The following EYS variants were observed in gnomAD, a reference collection of about 807,000 sequenced individuals.
The protein encoded by EYS is EGF-like photoreceptor maintenance factor, also known as protein eyes shut homolog.
In EYS, 250 loss-of-function variants were observed where a neutral mutation model predicts 282.1. The observed-to-expected ratio is 0.89, with a 90% confidence interval of 0.80 to 0.98. The LOEUF (loss-of-function observed/expected upper bound fraction) is 0.98. Ranked by LOEUF, EYS falls within the 50% of genes least tolerant of loss-of-function variation. The pLI, the probability that EYS is intolerant of heterozygous loss-of-function variation, is 0.00. For missense variants in EYS, 4,016 were observed against 3,709.0 expected, an observed-to-expected ratio of 1.08 and a Z score of -2.15; for synonymous variants, 1,355 against 1,282.9, an observed-to-expected ratio of 1.06 and a Z score of -1.20.
At chr6:65,173,893 T>G (rs1765167782) in intron 12 of EYS, among the ~76,000 whole-genome samples, 1 of 151,272 alleles carries the variant, frequency 6.6e-6, no homozygotes, top group South Asian at 2.1e-4. Flanking sequence ...ACAATTACAT[T>G]GACAGAATAA....
At chr6:65,496,412 G>T (rs1301942863) in intron 2 of EYS, among the ~76,000 whole-genome samples, 4 of 151,694 alleles carry the variant, frequency 2.6e-5, no homozygotes, top group Admixed American at 6.6e-5. Flanking sequence ...ATTATTGAAG[G>T]TTTTCTCTGT....
chr6:64,378,355 A>C (rs1436406161), intron 29 of EYS, among the ~76,000 whole-genome samples: 2 of 152,124 alleles, frequency 1.3e-5, no homozygotes, highest in African/African-American at 4.8e-5. Context: ...CCAAAATGAT[A>C]ATTATTTTTA....
intron 36 of EYS, among the ~76,000 whole-genome samples, chr6:63,856,980 A>T (rs149897789): frequency 3.1e-4 from 47 of 152,318 alleles, no homozygotes; most frequent in Middle Eastern, 6.8e-3. Context: ...TCACGATTAG[A>T]TTTAGCTCCA....
Position 65,385,024 on chromosome 6 carries a change from T to C in EYS, c.1185-524A>G, listed in dbSNP as rs1765747939. ...TCAAACAATCTATATTCCAGTCTAC[T>C]GTATTTCATTAACTGCAATCTATAA... On this transcript the variant is annotated intron_variant, in intron 7 of 42. Coordinates refer to ENST00000503581, the MANE Select transcript of EYS (RefSeq NM_001142800.2). 2.6e-5 allele frequency among the ~76,000 whole-genome samples: 4 copies of C among 152,012 alleles called. No individual in the cohort carries two copies. In the South Asian group the frequency reaches 8.3e-4, roughly 31 times the overall value.
At chr6:64,829,833 G>A (rs1031300312) in intron 19 of EYS, among the ~76,000 whole-genome samples, 1 of 151,884 alleles carries the variant, frequency 6.6e-6, no homozygotes, top group Non-Finnish European at 1.5e-5. Flanking sequence ...TGAACAATTG[G>A]GAAATTTGTG....
chr6:65,053,610 T>C (rs191929092), intron 13 of EYS, among the ~76,000 whole-genome samples: 3 of 151,922 alleles, frequency 2.0e-5, no homozygotes, highest in Admixed American at 2.0e-4. Flanking sequence ...AGTTTGATCA[T>C]TTTCTACACC....
chr6:64,747,763 G>T (rs1772606717), intron 22 of EYS, among the ~76,000 whole-genome samples: 1 of 152,126 alleles, frequency 6.6e-6, no homozygotes, highest in Non-Finnish European at 1.5e-5. Context: ...AGCACATTCA[G>T]GGATTTACAT....
intron 31 of EYS, among the ~76,000 whole-genome samples, chr6:64,183,432 T>C (rs1264607801): frequency 6.6e-6 from 1 of 152,184 alleles, no homozygotes; most frequent in Admixed American, 6.5e-5. Context: ...TTTACCACTG[T>C]ATTCCTGGCA....
chr6:65,273,083 A>G (rs889700002), intron 12 of EYS, among the ~76,000 whole-genome samples: 2 of 152,218 alleles, frequency 1.3e-5, no homozygotes, highest in Non-Finnish European at 2.9e-5. Context: ...GGATAAAAAA[A>G]GATTCATGTC....
chr6:64,150,290 T>C (rs557520651), intron 31 of EYS, among the ~76,000 whole-genome samples: 1 of 152,350 alleles, frequency 6.6e-6, no homozygotes, highest in East Asian at 1.9e-4. Flanking sequence ...ATGATCTGTT[T>C]AGAAGTTTTA....
intron 30 of EYS, among the ~76,000 whole-genome samples, chr6:64,291,045 C>T (rs6454771): frequency 0.71 from 80,040 of 112,666 alleles, 29,649 homozygotes; most frequent in African/African-American, 0.87. Context: ...GTTTATATTA[C>T]GGAGCGGGTA....
At chr6:64,950,690 C>T (rs9453122) in intron 14 of EYS, among the ~76,000 whole-genome samples, 340 of 149,082 alleles carry the variant, frequency 2.3e-3, no homozygotes, top group African/African-American at 7.9e-3. Context: ...AATGTACTTA[C>T]ATTAACAACA....
Position 65,544,050 on chromosome 6 carries a change from C to CAG in EYS, c.-332-48059_-332-48058dup, listed in dbSNP as rs1186708027. Reference sequence around the variant, plus strand: ...TGTGTGAGAGAGAGAGAGACAAAGACAGAGAGAGAGAGAGAAAGAGACCTC... The same window carrying CAG: ...TGTGTGAGAGAGAGAGAGACAAAGACAGAGAGAGAGAGAGAGAAAGAGACCTC... On this transcript the variant is annotated intron_variant, in intron 2 of 42. Coordinates refer to ENST00000503581, the MANE Select transcript of EYS (RefSeq NM_001142800.2). 1.6e-3 allele frequency among the ~76,000 whole-genome samples: 173 copies of CAG among 111,544 alleles called. 1 individual carries two copies. The highest frequency in any genetic ancestry group is 5.0e-3 in the African/African-American group (147 of 29,156). The allele number at this position is 111,544 out of a possible 152,430, so 73.2% of individuals were successfully genotyped here.
chr6:64,382,067 T>C (rs1341118053), intron 29 of EYS, among the ~76,000 whole-genome samples: 1 of 152,190 alleles, frequency 6.6e-6, no homozygotes, highest in Non-Finnish European at 1.5e-5. Context: ...CTTGCTAGAC[T>C]TCACTGCAGC....
chr6:65,210,094 T>C (rs1417266300), intron 12 of EYS, among the ~76,000 whole-genome samples: 1 of 151,872 alleles, frequency 6.6e-6, no homozygotes, highest in Non-Finnish European at 1.5e-5. Flanking sequence ...TAATGACAGC[T>C]GAGAAGAAAA....
rs528982535 is a variant in EYS, at chr6:63,896,165, C to A, written c.7056-31807G>T. On this transcript the variant is annotated intron_variant, in intron 35 of 42. Transcript: ENST00000503581. The stretch of plus-strand genomic sequence containing the variant: ...GTTCGTATGATTTTCATAACTCCAA[C>A]CATCTCCTGTTGCTTATGAGTTCCA... Among the ~76,000 whole-genome samples, 7 of 152,264 alleles carry A rather than the reference C, an allele frequency of 4.6e-5. No homozygotes were observed. The South Asian group carries it at 1.2e-3, about 27-fold the overall frequency.
In EYS at chr6:63,895,567, A is replaced by G. The variant is rs150029900; in HGVS notation, c.7056-31209T>C. Among the ~76,000 whole-genome samples, 451 of 152,334 alleles carry G rather than the reference A, an allele frequency of 3.0e-3. 7 individuals carry two copies. The highest frequency in any genetic ancestry group is 0.025 in the Admixed American group (382 of 15,296). On this transcript the variant is annotated intron_variant, in intron 35 of 42. Transcript: ENST00000503581. ...GTACTCTGTGGATAATTTTAAGATT[A>G]ATGTTGGGTTTTACCTATTCTGGTC...
intron 33 of EYS, among the ~76,000 whole-genome samples, chr6:64,009,858 A>G (rs752864994): frequency 4.6e-5 from 7 of 151,912 alleles, no homozygotes; most frequent in Non-Finnish European, 1.0e-4. Flanking sequence ...ATATGGGTTG[A>G]TATTCTTTCA....
At chr6:64,667,362 G>A (rs184396273) in intron 22 of EYS, among the ~76,000 whole-genome samples, 23 of 151,980 alleles carry the variant, frequency 1.5e-4, no homozygotes, top group Non-Finnish European at 2.5e-4. Flanking sequence ...TTGTTACACC[G>A]TGGGTGGAGA....
Sources: allele counts gnomAD v4.1 joint callset (sites outside exome capture counted in the v4.1 genomes callset), GRCh38; gene constraint gnomAD v4.1.1; transcripts MANE v1.5; gene names NCBI Gene and HGNC (gene_info 2026-07-23, HGNC 2026-07-21).